LAMA3: variants seen among roughly 807,000 people sequenced by gnomAD.
LAMA3 encodes the protein laminin subunit alpha 3, also known as laminin subunit alpha-3.
A neutral mutation model predicts 402.0 loss-of-function variants in LAMA3; 281 were observed. The observed-to-expected ratio is 0.70, with a 90% CI of 0.63 to 0.77. The LOEUF (loss-of-function observed/expected upper bound fraction) is 0.77. Ranked by LOEUF, LAMA3 falls within the 30% of genes least tolerant of loss-of-function variation. The probability of loss-of-function intolerance (pLI) is 0.00; values close to 1 mark genes in which losing one functional copy is unlikely to be tolerated. For missense variants in LAMA3, 3,840 were observed against 4,215.5 expected (o/e 0.91, Z 2.47); for synonymous variants, 1,431 against 1,558.4 (o/e 0.92, Z 1.93).
chr18:23,786,920 A>T (rs1396555705), intron 12 of LAMA3, among the ~76,000 whole-genome samples: 1 of 152,244 alleles, frequency 6.6e-6, no homozygotes, highest in African/African-American at 2.4e-5. Flanking sequence ...AGAAGAAAGA[A>T]TCAGCAAACT....
intron 2 of LAMA3, among the ~76,000 whole-genome samples, chr18:23,742,020 G>A (rs778222371): frequency 3.9e-5 from 6 of 152,218 alleles, no homozygotes; most frequent in African/African-American, 7.2e-5. Context: ...TACTAGGGAG[G>A]CTGAGGCACA....
chr18:23,844,446 C>CT (rs2063769849), intron 29 of LAMA3, among the ~76,000 whole-genome samples: 1 of 152,224 alleles, frequency 6.6e-6, no homozygotes, highest in Admixed American at 6.5e-5. Context: ...ACATGGAGCC[C>CT]TGGCCATCCA....
rs538738243 is a variant in LAMA3, at chr18:23,800,862, A to G, written c.1604-9504A>G. Among the ~76,000 whole-genome samples the G allele has an allele frequency of 2.6e-5, 4 of 152,260 alleles. No individual in the cohort carries two copies. The South Asian group carries it at 8.3e-4, about 32-fold the overall frequency. ...GTGTTGCCATAAGTGACAGGATTTC[A>G]TTCATTTTTATGGTTGAATAGTATT... On this transcript the variant is annotated intron_variant, in intron 12 of 74. Coordinates refer to ENST00000313654, the MANE Select transcript of LAMA3 (RefSeq NM_198129.4).
intron 22 of LAMA3, among the ~76,000 whole-genome samples, 196 bp downstream of exon 22, chr18:23,826,995 T>C (rs1029421015): frequency 6.6e-6 from 1 of 152,206 alleles, no homozygotes; most frequent in Non-Finnish European, 1.5e-5. Flanking sequence ...CATAGCTGGC[T>C]TAGGAGTGGC....
chr18:23,838,807 A>C lies in LAMA3; in HGVS notation c.3120A>C (p.Glu1040Asp). 1.2e-6 allele frequency: 2 copies of C among 1,610,588 alleles called. No individual in the cohort carries two copies. Among genetic ancestry groups the C allele is most frequent in the Non-Finnish European group, 1.7e-6 (2 of 1,176,728 alleles). The change falls in exon 26 of 75, where the codon GAA (glutamate) becomes GAC (aspartate). Residue 1040 changes from glutamate (E) to aspartate (D), a missense_variant. Around this residue, in one of 3 missense-constraint regions of LAMA3, gnomAD observed 2,109 missense variants for 2,376.0 expected, o/e 0.89. Transcript: ENST00000313654. ...LLHQVCIIPI[E>D]EFSAEYVRPQ... ...ATCAAGTTTGTATCATACCTATTGA[A>C]GAATTCTCAGCTGAGTATGTGAGAC...
At chr18:23,694,737 C>A (rs2060653320) in intron 1 of LAMA3, among the ~76,000 whole-genome samples, 1 of 152,296 alleles carries the variant, frequency 6.6e-6, no homozygotes, top group Middle Eastern at 3.4e-3. Context: ...CTTTGCGTTG[C>A]CTTGCTAATG....
chr18:23,907,910 G>A lies in LAMA3; in HGVS notation c.6990G>A (p.Lys2330=), dbSNP rs1405094482. The change falls in exon 54 of 75, where the codon AAG becomes AAA. Residue 2330 remains lysine, a synonymous_variant. Coordinates refer to ENST00000313654, the MANE Select transcript of LAMA3 (RefSeq NM_198129.4). ...YGRTQNEDFK[K]ALTDADNSVN... ...GGACACAGAACGAAGACTTCAAAAA[G>A]GCTCTGACTGATGCAGATAACTCGG... The A allele has an allele frequency of 6.2e-7, 1 of 1,613,812 alleles. No individual in the cohort carries two copies. The highest frequency in any genetic ancestry group is 1.7e-5 in the Admixed American group (1 of 60,000).
chr18:23,850,066 T>G (rs1318287549), intron 32 of LAMA3, among the ~76,000 whole-genome samples: 1 of 152,194 alleles, frequency 6.6e-6, no homozygotes, highest in Non-Finnish European at 1.5e-5. Context: ...GAAAATTTCC[T>G]TTATGAAGAA....
At position 23,833,937 on chromosome 18, in the gene LAMA3, G is replaced by A. The variant is rs1401875986; in HGVS notation, c.2933G>A (p.Ser978Asn). 2 of 1,614,178 alleles carry A rather than the reference G, an allele frequency of 1.2e-6. No individual in the cohort carries two copies. Among genetic ancestry groups the A allele is most frequent in the Non-Finnish European group, 1.7e-6 (2 of 1,180,038 alleles). Residue 978 changes from serine (S) to asparagine (N), a missense_variant, in exon 24 of 75, where the codon AGC becomes AAC. Physicochemically the swap from Ser to Asn is conservative, Grantham distance 46. Around this residue, in one of 3 missense-constraint regions of LAMA3, gnomAD observed 2,109 missense variants for 2,376.0 expected, o/e 0.89. Coordinates refer to ENST00000313654, the MANE Select transcript of LAMA3 (RefSeq NM_198129.4). ...QLFVVDVNVK[S>N]SGSVLAGQVN... The stretch of plus-strand genomic sequence containing the variant: ...TTTGTGGTTGATGTGAATGTGAAGA[G>A]CTCCGGGTCTGTTCTGGCAGGCCAG...
At chr18:23,786,887 GC>G (rs1316240255) in intron 12 of LAMA3, among the ~76,000 whole-genome samples, 2 of 152,184 alleles carry the variant, frequency 1.3e-5, no homozygotes, top group Admixed American at 6.5e-5. Context: ...CACTAAAGTG[GC>G]TCAACAGTAA....
Position 23,689,713 on chromosome 18 carries a change from G to A in LAMA3, c.30G>A (p.Arg10=). ...CGGCGGCCGCGCGGCCTCGGGGTCG[G>A]GCACTGGGGCCAGTACTGCCGCCGA... The part of the protein sequence containing the change: MAAAARPRG[R]ALGPVLPPTP... The change falls in exon 1 of 75, where the codon CGG becomes CGA. Residue 10 remains arginine, a synonymous_variant. Coordinates refer to ENST00000313654, the MANE Select transcript of LAMA3 (RefSeq NM_198129.4). 1 of 1,381,120 alleles carries A rather than the reference G, an allele frequency of 7.2e-7. No homozygotes were observed. Among genetic ancestry groups the A allele is most frequent in the Non-Finnish European group, 9.3e-7 (1 of 1,071,426 alleles). 85.6% of individuals were successfully genotyped at this position (1,381,120 alleles called of 1,614,324 possible). A position where few individuals can be genotyped will look rare whatever the true frequency, so the allele number is the denominator to read the frequency against.
At chr18:23,714,754 C>T (rs1233131469) in intron 2 of LAMA3, among the ~76,000 whole-genome samples, 1 of 152,130 alleles carries the variant, frequency 6.6e-6, no homozygotes, top group African/African-American at 2.4e-5. Context: ...GTGCAACCAT[C>T]GCCGTCATCC....
At chr18:23,810,654 T>C in intron 13 of LAMA3, 151 bp downstream of exon 13, 1 of 841,702 alleles carries the variant, frequency 1.2e-6, no homozygotes, top group South Asian at 1.4e-5. Flanking sequence ...GTTCCTCACC[T>C]GTTCAAGTCT....
chr18:23,929,153 A>G (rs1188101801), intron 64 of LAMA3, among the ~76,000 whole-genome samples: 2 of 152,220 alleles, frequency 1.3e-5, no homozygotes, highest in African/African-American at 4.8e-5. Flanking sequence ...CATTAAAGGT[A>G]GCTCTCTCCA....
intron 67 of LAMA3, among the ~76,000 whole-genome samples, chr18:23,936,893 T>C (rs1315481290): frequency 6.6e-6 from 1 of 152,242 alleles, no homozygotes; most frequent in Non-Finnish European, 1.5e-5. Context: ...AAGCCTCATA[T>C]GACCTACATC....
chr18:23,883,101 G>A (rs574437196), intron 40 of LAMA3, among the ~76,000 whole-genome samples: 1 of 152,346 alleles, frequency 6.6e-6, no homozygotes, highest in African/African-American at 2.4e-5. Flanking sequence ...AGGCAGGAGT[G>A]GCAGAAGTGC....
At chr18:23,727,551 T>G (rs1029822896) in intron 2 of LAMA3, among the ~76,000 whole-genome samples, 7 of 151,934 alleles carry the variant, frequency 4.6e-5, no homozygotes, top group Non-Finnish European at 1.0e-4. Flanking sequence ...GTCTCCAACT[T>G]CTGACCTCAG....
At chr18:23,889,865 G>A (rs536558456) in intron 41 of LAMA3, 146 bp from the exon 42 acceptor site, 1 of 754,218 alleles carries the variant, frequency 1.3e-6, no homozygotes, top group African/African-American at 1.7e-5. Flanking sequence ...CCTCTGTATT[G>A]AGAAATATTC....
At chr18:23,690,244 A>C (rs1158711383) in intron 1 of LAMA3, among the ~76,000 whole-genome samples, 4 of 152,138 alleles carry the variant, frequency 2.6e-5, no homozygotes, top group African/African-American at 9.7e-5. Context: ...TGGAGGGGAA[A>C]GTGTGAGGCT....
Sources: gnomAD v4.1 joint callset for allele counts (sites outside exome capture counted in the v4.1 genomes callset) on GRCh38, gnomAD v4.1.1 for gene constraint, gnomAD v4.1.1 regional missense constraint, MANE v1.5 for transcripts, NCBI Gene and HGNC (gene_info 2026-07-23, HGNC 2026-07-21) for gene names.